NOTCH2: variants seen among roughly 807,000 people sequenced by gnomAD.
The protein encoded by NOTCH2 is notch receptor 2, also known as neurogenic locus notch homolog protein 2.
NOTCH2 carries 29 observed loss-of-function variants against 235.8 expected under a neutral mutation model. That is an observed-to-expected ratio of 0.12 (90% CI 0.09 to 0.17). The LOEUF (loss-of-function observed/expected upper bound fraction) is 0.17, where lower values mean the gene tolerates loss of function less well. Among genes scored for constraint, NOTCH2 ranks in the 10% least tolerant of loss-of-function variants. NOTCH2 has a pLI of 1.00. For missense variants in NOTCH2, 2,285 were observed against 3,150.2 expected (o/e 0.73, Z 6.57); for synonymous variants, 1,086 against 1,141.5 (o/e 0.95, Z 0.98).
chr1:119,934,819 A>G (rs1553195545), intron 22 of NOTCH2, among the ~76,000 whole-genome samples: 1 of 152,164 alleles, frequency 6.6e-6, no homozygotes, highest in African/African-American at 2.4e-5. Context: ...CTAACAAACA[A>G]TACTCAAAGC....
intron 1 of NOTCH2, among the ~76,000 whole-genome samples, chr1:120,065,523 C>T (rs1299109323): frequency 6.6e-6 from 1 of 152,152 alleles, no homozygotes; most frequent in Non-Finnish European, 1.5e-5. Flanking sequence ...GCACTGGACA[C>T]CAGAAGAAAG....
At position 119,966,364 on chromosome 1, in the gene NOTCH2, G is replaced by A. The variant is rs78223268; in HGVS notation, c.1567+12C>T. 1,423 of 1,584,826 alleles carry A rather than the reference G, an allele frequency of 9.0e-4. 5 individuals carry two copies. The highest frequency in any genetic ancestry group is 7.2e-3 in the African/African-American group (537 of 74,474). On this transcript the variant is annotated intron_variant, in intron 9 of 33. Coordinates refer to ENST00000256646, the MANE Select transcript of NOTCH2 (RefSeq NM_024408.4). ...CTTTAAGAGAAAACAGGGCCAGGTCGTGGGCACTTACCAGGAGGACACAGG... is the reference window on the plus strand; with the variant it reads ...CTTTAAGAGAAAACAGGGCCAGGTCATGGGCACTTACCAGGAGGACACAGG...
intron 22 of NOTCH2, among the ~76,000 whole-genome samples, chr1:119,932,689 A>C (rs1172240241): frequency 6.6e-6 from 1 of 152,154 alleles, no homozygotes. Context: ...TTTTGATATG[A>C]AAATATCTCC....
intron 19 of NOTCH2, 123 bp from the exon 20 acceptor site, chr1:119,938,133 A>C: frequency 1.8e-6 from 2 of 1,092,846 alleles, no homozygotes; most frequent in East Asian, 5.1e-5. Context: ...AAGAGCCTTC[A>C]TCTAGTAAAA....
At chr1:120,060,685 G>C (rs760309660) in intron 1 of NOTCH2, among the ~76,000 whole-genome samples, 3 of 151,106 alleles carry the variant, frequency 2.0e-5, no homozygotes, top group Non-Finnish European at 4.4e-5. Flanking sequence ...GTATAAATAC[G>C]AGTTAATTAT....
intron 22 of NOTCH2, among the ~76,000 whole-genome samples, chr1:119,932,217 C>G (rs1430092522): frequency 6.6e-6 from 1 of 152,058 alleles, no homozygotes; most frequent in African/African-American, 2.4e-5. Flanking sequence ...TGCAAGATAA[C>G]TGAAATATCT....
chr1:120,035,294 TAAG>T (rs1276336310), intron 1 of NOTCH2, among the ~76,000 whole-genome samples: 3 of 151,502 alleles, frequency 2.0e-5, no homozygotes, highest in African/African-American at 7.3e-5. Context: ...TTGGCTCTCT[TAAG>T]AACCAGTTGG....
chr1:120,055,628 T>C lies in NOTCH2; in HGVS notation c.73+13706A>G, dbSNP rs1421730663. On this transcript the variant is annotated intron_variant, in intron 1 of 33. Transcript: ENST00000256646. Reference sequence around the variant, plus strand: ...AAAAATAAAGTCTTAGAAATAATTATAGAGGGAGCAGAAGGGAGTGGCAGG... The same window carrying C: ...AAAAATAAAGTCTTAGAAATAATTACAGAGGGAGCAGAAGGGAGTGGCAGG... 3.8e-4 allele frequency among the ~76,000 whole-genome samples: 53 copies of C among 137,966 alleles called. 1 individual carries two copies. In the South Asian group the frequency reaches 0.013, roughly 33 times the overall value. The allele number at this position is 137,966 out of a possible 152,430, so 90.5% of individuals were successfully genotyped here.
At chr1:119,938,824 G>T (rs587646478) in intron 19 of NOTCH2, among the ~76,000 whole-genome samples, 18 of 152,058 alleles carry the variant, frequency 1.2e-4, no homozygotes, top group Non-Finnish European at 2.4e-4. Flanking sequence ...GGGACTACAG[G>T]CACCCGCTAC....
intron 20 of NOTCH2, 27 bp from the exon 21 acceptor site, chr1:119,937,493 T>C (rs1649899352): frequency 6.2e-7 from 1 of 1,605,094 alleles, no homozygotes; most frequent in Non-Finnish European, 8.5e-7. Context: ...GGGAGAAATG[T>C]CATAGAAGAA....
In NOTCH2 at chr1:119,915,979, GGGACTGGAT is replaced by G. The variant is rs1360272536; in HGVS notation, c.6734_6742del (p.His2245_Val2247del). ...GCGGTTCATCCAATCTGCTGGGACT[GGGACTGGAT>G]GGAGCCTACTCAAGCTTCCAGCACT... is the stretch of plus-strand genomic sequence containing the variant. On this transcript the variant is annotated inframe_deletion, in exon 34 of 34. Transcript: ENST00000256646. 6.2e-7 allele frequency: 1 copy of G among 1,613,986 alleles called. No homozygotes were observed. The highest frequency in any genetic ancestry group is 2.2e-5 in the East Asian group (1 of 44,874).
intron 32 of NOTCH2, 110 bp downstream of exon 32, chr1:119,918,296 T>C (rs1315662941): frequency 8.4e-7 from 1 of 1,189,356 alleles, no homozygotes; most frequent in Non-Finnish European, 1.2e-6. Context: ...TGAGTGAATC[T>C]CTCACGTATT....
intron 3 of NOTCH2, among the ~76,000 whole-genome samples, chr1:120,001,798 C>G (rs1652764595): frequency 6.6e-6 from 1 of 152,188 alleles, no homozygotes; most frequent in Non-Finnish European, 1.5e-5. Context: ...AGCATTGCCT[C>G]TAACCAAGGC....
chr1:119,953,457 G>A, intron 14 of NOTCH2, 86 bp downstream of exon 14: 2 of 1,423,436 alleles, frequency 1.4e-6, no homozygotes, highest in Admixed American at 3.4e-5. Flanking sequence ...ATGAAAAAGA[G>A]AAAAGGAAAC....
intron 17 of NOTCH2, among the ~76,000 whole-genome samples, chr1:119,943,793 AATT>A (rs1553196744): frequency 6.6e-6 from 1 of 152,180 alleles, no homozygotes; most frequent in East Asian, 1.9e-4. Flanking sequence ...AAATATGGTC[AATT>A]ATTATCAACT....
chr1:119,969,200 T>G (rs587664657), intron 6 of NOTCH2, among the ~76,000 whole-genome samples: 5 of 152,366 alleles, frequency 3.3e-5, no homozygotes, highest in Non-Finnish European at 7.3e-5. Flanking sequence ...TTTATCTTAA[T>G]AGCTGAGGTG....
intron 5 of NOTCH2, among the ~76,000 whole-genome samples, chr1:119,972,927 G>C (rs1313211555): frequency 6.6e-6 from 1 of 152,102 alleles, no homozygotes; most frequent in Non-Finnish European, 1.5e-5. Flanking sequence ...GAGGAGGTGA[G>C]GACTCAAATC....
At chr1:119,954,635 C>T (rs1650610362) in intron 13 of NOTCH2, among the ~76,000 whole-genome samples, 1 of 152,280 alleles carries the variant, frequency 6.6e-6, no homozygotes, top group South Asian at 2.1e-4. Context: ...TACTTCAGAG[C>T]ACACACTGGC....
At chr1:120,039,519 C>T (rs1244715916) in intron 1 of NOTCH2, among the ~76,000 whole-genome samples, 3 of 151,344 alleles carry the variant, frequency 2.0e-5, no homozygotes, top group Non-Finnish European at 4.4e-5. Context: ...CGCCATTCTC[C>T]TGCCTCAGCC....
Sources: allele counts gnomAD v4.1 joint callset (sites outside exome capture counted in the v4.1 genomes callset), GRCh38; gene constraint gnomAD v4.1.1; transcripts MANE v1.5; gene names NCBI Gene and HGNC (gene_info 2026-07-23, HGNC 2026-07-21).